VDAC2: variants seen among roughly 807,000 people sequenced by gnomAD.
VDAC2 encodes voltage dependent anion channel 2.
VDAC2 carries 6 observed loss-of-function variants against 36.6 expected under a neutral mutation model. The observed-to-expected ratio is 0.16, with a 90% CI of 0.09 to 0.32. The LOEUF (loss-of-function observed/expected upper bound fraction) is 0.32. Ranked by LOEUF, VDAC2 falls within the 10% of genes least tolerant of loss-of-function variation. The probability of loss-of-function intolerance (pLI) is 1.00; values close to 1 mark genes in which losing one functional copy is unlikely to be tolerated. For missense variants in VDAC2, 247 were observed against 346.0 expected, an observed-to-expected ratio of 0.71 and a Z score of 2.27; for synonymous variants, 109 against 123.8, an observed-to-expected ratio of 0.88 and a Z score of 0.79.
intron 9 of VDAC2, 146 bp from the exon 10 acceptor site, chr10:75,230,752 C>T (rs1198055173): frequency 5.0e-6 from 3 of 597,172 alleles, no homozygotes; most frequent in African/African-American, 1.9e-5. Flanking sequence ...TTCCAAGCGC[C>T]CTCTGGTGGC....
chr10:75,211,353 G>T (rs896109964), intron 2 of VDAC2, 164 bp downstream of exon 2: 3 of 1,388,028 alleles, frequency 2.2e-6, no homozygotes. Flanking sequence ...GAGGGGCTGG[G>T]CTGCTGGATT....
At chr10:75,213,243 T>G (rs1480921829) in intron 3 of VDAC2, among the ~76,000 whole-genome samples, 1 of 149,874 alleles carries the variant, frequency 6.7e-6, no homozygotes, top group Non-Finnish European at 1.5e-5. Context: ...CATGCCCAGC[T>G]TTTTTTTTGT....
At chr10:75,219,496 T>C in intron 6 of VDAC2, 140 bp downstream of exon 6, 1 of 726,404 alleles carries the variant, frequency 1.4e-6, no homozygotes, top group Non-Finnish European at 2.2e-6. Context: ...TTTATTTATT[T>C]ATTTGAGATG....
At position 75,227,382 on chromosome 10, in the gene VDAC2, G is replaced by A. The variant is rs945696289; in HGVS notation, c.736-2262G>A. ...ACTGAGCCCTGAACCTGTGTGATCC[G>A]ATGCTCTCTCTCCAGGTAGATAGTA... On this transcript the variant is annotated intron_variant, in intron 8 of 9. Coordinates refer to ENST00000332211, the MANE Select transcript of VDAC2 (RefSeq NM_001391963.1). 2.6e-5 allele frequency among the ~76,000 whole-genome samples: 4 copies of A among 152,090 alleles called. No homozygotes were observed. The East Asian group carries it at 5.8e-4, about 22-fold the overall frequency.
intron 8 of VDAC2, among the ~76,000 whole-genome samples, chr10:75,225,244 G>GCT (rs1402869994): frequency 6.6e-6 from 1 of 152,160 alleles, no homozygotes; most frequent in Non-Finnish European, 1.5e-5. Context: ...GGAAAAGAAA[G>GCT]CTGGTACAAG....
chr10:75,222,968 C>A (rs1304077683), intron 8 of VDAC2, among the ~76,000 whole-genome samples: 5 of 150,142 alleles, frequency 3.3e-5, no homozygotes, highest in Admixed American at 1.3e-4. Flanking sequence ...GTATTTTAAT[C>A]ATCACTTTGT....
intron 8 of VDAC2, among the ~76,000 whole-genome samples, chr10:75,223,955 C>T (rs140018777): frequency 1.2e-3 from 185 of 152,344 alleles, no homozygotes; most frequent in African/African-American, 4.3e-3. Flanking sequence ...ATGTTTTGCA[C>T]TGTACATCTC....
chr10:75,218,954 C>T, intron 4 of VDAC2, 109 bp from the exon 5 acceptor site: 1 of 1,070,818 alleles, frequency 9.3e-7, no homozygotes, highest in Non-Finnish European at 1.3e-6. Flanking sequence ...AAAAAGGATT[C>T]ATGAATTTAC....
At chr10:75,222,206 T>C (rs1322352957) in intron 7 of VDAC2, 46 bp from the exon 8 acceptor site, 2 of 1,566,268 alleles carry the variant, frequency 1.3e-6, no homozygotes, top group Admixed American at 1.8e-5. Context: ...CCTTAGACAT[T>C]ATTACATTGT....
intron 8 of VDAC2, among the ~76,000 whole-genome samples, chr10:75,227,120 A>G (rs561126644): frequency 3.9e-5 from 6 of 152,334 alleles, no homozygotes; most frequent in South Asian, 4.1e-4. Context: ...GACCTCACCT[A>G]TAAAGGAAAA....
intron 2 of VDAC2, 167 bp downstream of exon 2, chr10:75,211,356 G>A (rs1841414241): frequency 1.4e-6 from 2 of 1,388,748 alleles, no homozygotes; most frequent in Non-Finnish European, 1.9e-6. Context: ...GGGCTGGGCT[G>A]CTGGATTTCA....
intron 3 of VDAC2, among the ~76,000 whole-genome samples, chr10:75,212,657 G>GA (rs1419379788): frequency 6.6e-6 from 1 of 152,116 alleles, no homozygotes; most frequent in African/African-American, 2.4e-5. Flanking sequence ...TCAAAGCCTG[G>GA]TTGGATTACG....
rs1182636371 is a variant in VDAC2 at position 75,211,643 on chromosome 10, A to G, written c.31+454A>G. On this transcript the variant is annotated intron_variant, in intron 2 of 9. Transcript: ENST00000332211. ...TTAAGCAGCACAGCATTGGCCGAGG[A>G]CTTGAGAGTCACATTAGTAAGTTTG... is the stretch of plus-strand genomic sequence containing the variant. The G allele has an allele frequency of 7.7e-6, 12 of 1,550,474 alleles. No homozygotes were observed. In the East Asian group the frequency reaches 2.0e-4, roughly 25 times the overall value.
intron 4 of VDAC2, among the ~76,000 whole-genome samples, chr10:75,215,843 T>C (rs1841587463): frequency 6.6e-6 from 1 of 151,946 alleles, no homozygotes; most frequent in African/African-American, 2.4e-5. Context: ...GGCCTCAGCC[T>C]CCCAAGTAGC....
upstream of VDAC2, among the ~76,000 whole-genome samples, chr10:75,210,396 G>A (rs566993064): frequency 6.6e-6 from 1 of 152,338 alleles, no homozygotes; most frequent in East Asian, 1.9e-4. Context: ...TGTTTCGGGG[G>A]GGAACCCGCA....
intron 4 of VDAC2, among the ~76,000 whole-genome samples, chr10:75,216,102 T>C (rs1012910215): frequency 1.3e-5 from 2 of 152,366 alleles, no homozygotes; most frequent in Non-Finnish European, 2.9e-5. Flanking sequence ...CTTAGGTGTT[T>C]AGTTATGATT....
intron 6 of VDAC2, among the ~76,000 whole-genome samples, chr10:75,219,951 C>T (rs542988540): frequency 1.0e-3 from 157 of 151,714 alleles, no homozygotes; most frequent in African/African-American, 3.7e-3. Flanking sequence ...CCTCAGCCTC[C>T]TGAGTAGCTG....
chr10:75,224,850 A>G (rs777697463), intron 8 of VDAC2, among the ~76,000 whole-genome samples: 1 of 152,194 alleles, frequency 6.6e-6, no homozygotes, highest in Non-Finnish European at 1.5e-5. Flanking sequence ...GTTAGAGATT[A>G]CATTGAGAAA....
In VDAC2 at chr10:75,217,275, G is replaced by A. The variant is rs80273193; in HGVS notation, c.151-1788G>A. ...CTGTCTCCAAAAAAAACCGCAAAATGTTGTGTCCTGCTCAGTGTGATGCAT... is the reference window on the plus strand; with the variant it reads ...CTGTCTCCAAAAAAAACCGCAAAATATTGTGTCCTGCTCAGTGTGATGCAT... On this transcript the variant is annotated intron_variant, in intron 4 of 9. Coordinates refer to ENST00000332211, the MANE Select transcript of VDAC2 (RefSeq NM_001391963.1). 3.4e-3 allele frequency among the ~76,000 whole-genome samples: 510 copies of A among 152,180 alleles called. 1 individual carries two copies. Among genetic ancestry groups the A allele is most frequent in the African/African-American group, 0.011 (451 of 41,508 alleles).
Sources: gnomAD v4.1 joint callset for allele counts (sites outside exome capture counted in the v4.1 genomes callset) on GRCh38, gnomAD v4.1.1 for gene constraint, MANE v1.5 for transcripts, NCBI Gene and HGNC (gene_info 2026-07-23, HGNC 2026-07-21) for gene names.